ATP8A2: variants seen among roughly 807,000 people sequenced by gnomAD.
ATP8A2 encodes the protein ATPase phospholipid transporting 8A2, also known as phospholipid-transporting ATPase IB.
In ATP8A2, 100 loss-of-function variants were observed where a neutral mutation model predicts 165.6. That is an observed-to-expected ratio of 0.60 (90% CI 0.51 to 0.71). The LOEUF (loss-of-function observed/expected upper bound fraction) is 0.71, where lower values mean the gene tolerates loss of function less well. ATP8A2 is among the 30% of genes least tolerant of loss of function. The pLI is 0.00. For synonymous variants in ATP8A2, 543 were observed against 548.8 expected (o/e 0.99, Z 0.15); for missense variants, 1,227 against 1,479.5 (o/e 0.83, Z 2.80).
chr13:25,840,737 G>A (rs1300600354), intron 30 of ATP8A2, among the ~76,000 whole-genome samples: 1 of 152,142 alleles, frequency 6.6e-6, no homozygotes, highest in East Asian at 1.9e-4. Flanking sequence ...TAAGAGTTTG[G>A]GATGTGATTT....
chr13:25,920,914 A>G (rs1478368612), intron 33 of ATP8A2, among the ~76,000 whole-genome samples: 1 of 151,850 alleles, frequency 6.6e-6, no homozygotes, highest in African/African-American at 2.4e-5. Context: ...CTAAAAATAC[A>G]AAAAAATTAG....
At chr13:25,717,672 G>GA (rs1228517406) in intron 25 of ATP8A2, among the ~76,000 whole-genome samples, 1 of 152,172 alleles carries the variant, frequency 6.6e-6, no homozygotes, top group African/African-American at 2.4e-5. Flanking sequence ...ATTTTGAAGG[G>GA]AAAAAATAGA....
chr13:25,642,807 C>G (rs2041565024), intron 24 of ATP8A2, among the ~76,000 whole-genome samples: 1 of 152,118 alleles, frequency 6.6e-6, no homozygotes, highest in South Asian at 2.1e-4. Flanking sequence ...ATATTTGGGA[C>G]CAATCAAAAT....
intron 16 of ATP8A2, among the ~76,000 whole-genome samples, chr13:25,567,923 T>C (rs554055207): frequency 6.6e-6 from 1 of 152,338 alleles, no homozygotes; most frequent in African/African-American, 2.4e-5. Flanking sequence ...TTTGCCAAAA[T>C]GTGTCTGTGG....
chr13:25,510,263 T>C (rs532065672), intron 2 of ATP8A2, among the ~76,000 whole-genome samples: 23 of 150,696 alleles, frequency 1.5e-4, no homozygotes, highest in South Asian at 1.0e-3. Context: ...ATTGTACACT[T>C]TGGGTAGACA....
At chr13:25,546,255 T>G (rs1411170681) in intron 10 of ATP8A2, among the ~76,000 whole-genome samples, 1 of 152,194 alleles carries the variant, frequency 6.6e-6, no homozygotes, top group Non-Finnish European at 1.5e-5. Context: ...CTTTTCCTTG[T>G]CCCTAGGTGT....
chr13:25,984,616 A>C (rs1956238106), intron 35 of ATP8A2, among the ~76,000 whole-genome samples: 1 of 148,746 alleles, frequency 6.7e-6, no homozygotes, highest in South Asian at 2.1e-4. Flanking sequence ...AAAAACAAAC[A>C]AAAACAACAA....
At chr13:25,689,341 C>A (rs1321060008) in intron 24 of ATP8A2, among the ~76,000 whole-genome samples, 5 of 152,172 alleles carry the variant, frequency 3.3e-5, no homozygotes, top group African/African-American at 1.2e-4. Flanking sequence ...AAATAAAGAT[C>A]TTAATGAGAT....
At chr13:25,591,160 TAAA>T in intron 24 of ATP8A2, 2 of 407,240 alleles carry the variant, frequency 4.9e-6, no homozygotes, top group Admixed American at 2.5e-5. Flanking sequence ...TGTGTGTGTG[TAAA>T]TTGTTGTGAA....
chr13:25,610,883 CT>C (rs56730760), intron 24 of ATP8A2, among the ~76,000 whole-genome samples: 5,026 of 120,586 alleles, frequency 0.042, 97 homozygotes, highest in Middle Eastern at 0.057. Flanking sequence ...AGGTATATTC[CT>C]TTTTTTTTTT....
At chr13:25,414,104 A>G (rs2034060400) in intron 1 of ATP8A2, among the ~76,000 whole-genome samples, 1 of 151,628 alleles carries the variant, frequency 6.6e-6, no homozygotes, top group Admixed American at 6.6e-5. Flanking sequence ...ACCCACAGAG[A>G]CCAGATGACT....
chr13:25,650,910 T>C (rs1331835805), intron 24 of ATP8A2, among the ~76,000 whole-genome samples: 4 of 152,210 alleles, frequency 2.6e-5, no homozygotes, highest in Non-Finnish European at 4.4e-5. Context: ...GTTTAAAATT[T>C]TATATCCATA....
chr13:26,022,197 T>C lies in ATP8A2; in HGVS notation c.*2212T>C, dbSNP rs1957091066. 4 of 152,186 alleles carry C rather than the reference T, an allele frequency of 2.6e-5. 1 individual carries two copies. The South Asian group carries it at 8.3e-4, about 32-fold the overall frequency. The allele number at this position is 152,186 out of a possible 1,614,324, so 9.4% of individuals were successfully genotyped here. ...TGGTTTCTTTGCACACCCAGAAAGG[T>C]GATGGCCAAGATACAGAGGAGAAAC... On this transcript the variant is annotated 3_prime_UTR_variant, in exon 37 of 37. Coordinates refer to ENST00000381655, the MANE Select transcript of ATP8A2 (RefSeq NM_016529.6).
At chr13:26,003,311 T>G (rs1266564873) in intron 35 of ATP8A2, among the ~76,000 whole-genome samples, 1 of 152,122 alleles carries the variant, frequency 6.6e-6, no homozygotes, top group Non-Finnish European at 1.5e-5. Flanking sequence ...ATATACCTGT[T>G]GGTCATATGT....
chr13:25,845,173 G>C (rs567175920), intron 30 of ATP8A2, among the ~76,000 whole-genome samples: 1 of 152,226 alleles, frequency 6.6e-6, no homozygotes, highest in South Asian at 2.1e-4. Context: ...CCTCGCCTTT[G>C]ATCTGGAAAG....
At chr13:25,906,199 C>T (rs1188488268) in intron 33 of ATP8A2, among the ~76,000 whole-genome samples, 1 of 151,962 alleles carries the variant, frequency 6.6e-6, no homozygotes, top group African/African-American at 2.4e-5. Flanking sequence ...GTATTCCTCC[C>T]CCTTTATTTG....
At chr13:25,791,542 T>TACAC (rs55661899) in intron 27 of ATP8A2, among the ~76,000 whole-genome samples, 28,961 of 142,714 alleles carry the variant, frequency 0.2, 3,569 homozygotes, top group African/African-American at 0.35. Context: ...CACACACACA[T>TACAC]ACACACACAC....
intron 1 of ATP8A2, among the ~76,000 whole-genome samples, chr13:25,404,397 G>C (rs115871593): frequency 0.02 from 3,065 of 152,242 alleles, 102 homozygotes; most frequent in African/African-American, 0.069. Context: ...TCACCTGCAG[G>C]GTGGTGAAGA....
chr13:25,988,623 T>C (rs4770892), intron 35 of ATP8A2, among the ~76,000 whole-genome samples: 50,650 of 152,126 alleles, frequency 0.33, 9,176 homozygotes, highest in Non-Finnish European at 0.41. Flanking sequence ...CAGGGCTAGA[T>C]TCCAAAGTGC....
Sources: allele counts gnomAD v4.1 joint callset (sites outside exome capture counted in the v4.1 genomes callset), GRCh38; gene constraint gnomAD v4.1.1; transcripts MANE v1.5; gene names NCBI Gene and HGNC (gene_info 2026-07-23, HGNC 2026-07-21).